The following SHROOM3 variants were observed in gnomAD, a reference collection of about 807,000 sequenced individuals.
SHROOM3 encodes shroom family member 3, also known as protein Shroom3.
Under a neutral mutation model 138.6 loss-of-function variants are expected in SHROOM3, and 47 were observed. That is an observed-to-expected ratio of 0.34 (90% CI 0.27 to 0.43). The LOEUF is 0.43. SHROOM3 is among the 20% of genes least tolerant of loss of function. The pLI, the probability that SHROOM3 is intolerant of heterozygous loss-of-function variation, is 1.00. For missense variants in SHROOM3, 2,491 were observed against 2,596.5 expected (o/e 0.96, Z 0.88); for synonymous variants, 1,062 against 1,063.3 (o/e 1.00, Z 0.02).
Position 76,435,969 on chromosome 4 carries a change from G to A in SHROOM3, c.-84G>A, listed in dbSNP as rs1253438549. ...TTGGCCATTGTGTGTCCTGAAGGAT[G>A]GGACAACTTGTGCTGTAGAAGCACT... On this transcript the variant is annotated 5_prime_UTR_variant, in exon 1 of 11. It removes an upstream start codon present in the reference 5' UTR. Coordinates refer to ENST00000296043, the MANE Select transcript of SHROOM3 (RefSeq NM_020859.4). 6.8e-7 allele frequency: 1 copy of A among 1,462,740 alleles called. No homozygotes were observed. The highest frequency in any genetic ancestry group is 1.8e-5 in the Admixed American group (1 of 55,108). The allele number at this position is 1,462,740 out of a possible 1,614,324, so 90.6% of individuals were successfully genotyped here.
intron 2 of SHROOM3, among the ~76,000 whole-genome samples, chr4:76,692,280 TA>T (rs1560592825): frequency 2.0e-5 from 3 of 152,322 alleles, no homozygotes; most frequent in East Asian, 3.9e-4. Context: ...AAAGAAGGAA[TA>T]GGGGCATGAA....
intron 4 of SHROOM3, among the ~76,000 whole-genome samples, chr4:76,737,282 A>G (rs1387105961): frequency 4.7e-5 from 7 of 148,220 alleles, no homozygotes; most frequent in Admixed American, 1.3e-4. Flanking sequence ...TTTTTTAAGT[A>G]ATGAATAACA....
chr4:76,504,445 C>T (rs1477462964), intron 1 of SHROOM3, among the ~76,000 whole-genome samples: 1 of 152,148 alleles, frequency 6.6e-6, no homozygotes, highest in Non-Finnish European at 1.5e-5. Context: ...AGGCGTGCGC[C>T]AAAATGCCCG....
At chr4:76,725,766 C>G (rs949546411) in intron 3 of SHROOM3, among the ~76,000 whole-genome samples, 6 of 152,206 alleles carry the variant, frequency 3.9e-5, no homozygotes, top group Non-Finnish European at 8.8e-5. Context: ...ACAGCACTGG[C>G]TTTCCTCCTC....
intron 2 of SHROOM3, among the ~76,000 whole-genome samples, chr4:76,583,920 A>G (rs1734097841): frequency 6.6e-6 from 1 of 152,214 alleles, no homozygotes; most frequent in Admixed American, 6.5e-5. Context: ...AAAGGCATCC[A>G]TTCTTTGTAA....
At chr4:76,457,698 G>A (rs4859676) in intron 1 of SHROOM3, among the ~76,000 whole-genome samples, 93,918 of 151,120 alleles carry the variant, frequency 0.62, 30,131 homozygotes, top group South Asian at 0.74. Context: ...CACCATGTTG[G>A]CCAGGATGGC....
chr4:76,599,478 T>C (rs1011236720), intron 2 of SHROOM3, among the ~76,000 whole-genome samples: 2 of 152,220 alleles, frequency 1.3e-5, no homozygotes, highest in Non-Finnish European at 2.9e-5. Context: ...TATTCTTTCT[T>C]TCAAGATGAA....
chr4:76,481,210 C>T (rs1263714874), intron 1 of SHROOM3, among the ~76,000 whole-genome samples: 1 of 151,496 alleles, frequency 6.6e-6, no homozygotes, highest in Non-Finnish European at 1.5e-5. Context: ...TTTTTGAAAA[C>T]ATTAACAAAA....
chr4:76,710,379 A>G (rs1046394506), intron 3 of SHROOM3, 92 bp downstream of exon 3: 10 of 1,485,706 alleles, frequency 6.7e-6, no homozygotes, highest in Non-Finnish European at 3.7e-6. Flanking sequence ...GGGGGCAAGG[A>G]TGGTCAGGAT....
At chr4:76,482,477 T>C (rs1560519835) in intron 1 of SHROOM3, among the ~76,000 whole-genome samples, 1 of 152,118 alleles carries the variant, frequency 6.6e-6, no homozygotes, top group Non-Finnish European at 1.5e-5. Context: ...CAAGGAGAAC[T>C]ACAAACCACT....
At chr4:76,643,162 C>T (rs891905107) in intron 2 of SHROOM3, among the ~76,000 whole-genome samples, 4 of 146,980 alleles carry the variant, frequency 2.7e-5, no homozygotes, top group African/African-American at 5.1e-5. Flanking sequence ...TGTGGTGAGC[C>T]GAAATTGCAC....
chr4:76,741,619 C>T lies in SHROOM3; in HGVS notation c.3446C>T (p.Pro1149Leu), dbSNP rs2110135205. 6.5e-7 allele frequency: 1 copy of T among 1,540,732 alleles called. No homozygotes were observed. The highest frequency in any genetic ancestry group is 1.2e-5 in the South Asian group (1 of 84,226). ...TCACTGCGGGAGCCCAGCCTGCAGC[C>T]CCGCAGGGAGGCCACGCTCCTGCCG... The part of the protein sequence containing the change: ...LSSLREPSLQ[P>L]RREATLLPAT... The change falls in exon 5 of 11, where the codon CCC (proline) becomes CTC (leucine). Residue 1149 changes from proline to leucine, a missense_variant. Pro to Leu is a moderately conservative substitution (Grantham distance 98). Transcript: ENST00000296043. The surrounding 1 kb of genome is among the most constrained non-coding windows in gnomAD (Gnocchi z 6.2).
chr4:76,749,836 A>C (rs1721563209), intron 6 of SHROOM3, among the ~76,000 whole-genome samples: 1 of 152,196 alleles, frequency 6.6e-6, no homozygotes. Flanking sequence ...AATTTTCAGA[A>C]AGGGTATTCT....
intron 2 of SHROOM3, among the ~76,000 whole-genome samples, chr4:76,660,008 C>G (rs1214024884): frequency 6.6e-6 from 1 of 152,200 alleles, no homozygotes; most frequent in African/African-American, 2.4e-5. Context: ...AGGCTGTGCT[C>G]AGATGCTGGG....
chr4:76,774,533 T>A (rs1300709811), intron 10 of SHROOM3, among the ~76,000 whole-genome samples: 5 of 152,074 alleles, frequency 3.3e-5, no homozygotes, highest in Non-Finnish European at 7.4e-5. Context: ...CATATTAAGA[T>A]TTGGCACCAT....
At chr4:76,562,706 T>C (rs991780990) in intron 2 of SHROOM3, among the ~76,000 whole-genome samples, 5 of 152,228 alleles carry the variant, frequency 3.3e-5, no homozygotes, top group Admixed American at 6.5e-5. Flanking sequence ...TGCCTGACTC[T>C]ATTTCCTGAA....
At chr4:76,564,389 C>A (rs2110034343) in intron 2 of SHROOM3, among the ~76,000 whole-genome samples, 1 of 152,310 alleles carries the variant, frequency 6.6e-6, no homozygotes, top group East Asian at 1.9e-4. Context: ...AGAGGCCTGG[C>A]ATCATGGAAA....
At chr4:76,709,796 T>G (rs1449492573) in intron 2 of SHROOM3, 1 of 291,444 alleles carries the variant, frequency 3.4e-6, no homozygotes, top group Non-Finnish European at 6.6e-6. Flanking sequence ...TTTGCTTCAG[T>G]GAATCCAGTT....
At chr4:76,705,599 TG>T (rs1366220370) in intron 2 of SHROOM3, among the ~76,000 whole-genome samples, 1 of 152,214 alleles carries the variant, frequency 6.6e-6, no homozygotes, top group African/African-American at 2.4e-5. Context: ...GTCCTCATCA[TG>T]GGAAGTAGAA....
Sources: allele counts gnomAD v4.1 joint callset (sites outside exome capture counted in the v4.1 genomes callset), GRCh38; gene constraint gnomAD v4.1.1; non-coding constraint Gnocchi (gnomAD v3.1); transcripts MANE v1.5; gene names NCBI Gene and HGNC (gene_info 2026-07-23, HGNC 2026-07-21).